Variants in KCNMA1 observed in about 807,000 individuals in gnomAD.
The protein encoded by KCNMA1 is potassium calcium-activated channel subfamily M alpha 1.
Under a neutral mutation model 140.0 loss-of-function variants are expected in KCNMA1, and 29 were observed. That is an observed-to-expected ratio of 0.21 (90% CI 0.15 to 0.28). The LOEUF (loss-of-function observed/expected upper bound fraction) is 0.28, where lower values mean the gene tolerates loss of function less well. KCNMA1 is among the 10% of genes least tolerant of loss of function. The pLI, the probability that KCNMA1 is intolerant of heterozygous loss-of-function variation, is 1.00. For missense variants in KCNMA1, 880 were observed against 1,602.2 expected (o/e 0.55, Z 7.70); for synonymous variants, 612 against 611.9 (o/e 1.00, Z 0.00).
intron 24 of KCNMA1, chr10:76,914,478 G>T (rs1297274077): frequency 4.5e-5 from 17 of 381,586 alleles, no homozygotes; most frequent in Non-Finnish European, 3.4e-5. Context: ...TTACACATTA[G>T]CCCAGGGCTT....
chr10:77,151,913 T>C (rs991570783), intron 5 of KCNMA1, among the ~76,000 whole-genome samples: 2 of 152,226 alleles, frequency 1.3e-5, no homozygotes, highest in African/African-American at 4.8e-5. Context: ...ATGCAGTTTT[T>C]TCATGGCCTA....
chr10:76,930,993 CA>C (rs1055447698), intron 23 of KCNMA1, among the ~76,000 whole-genome samples: 13 of 152,096 alleles, frequency 8.5e-5, no homozygotes, highest in African/African-American at 3.1e-4. Context: ...TGGTGAGGGT[CA>C]GGGGGAATGG....
At chr10:77,411,063 C>T (rs568371262) in intron 1 of KCNMA1, among the ~76,000 whole-genome samples, 6 of 152,284 alleles carry the variant, frequency 3.9e-5, no homozygotes, top group South Asian at 2.1e-4. Context: ...AGTGCAGTGG[C>T]GTGATCTCGG....
intron 1 of KCNMA1, among the ~76,000 whole-genome samples, chr10:77,452,757 G>A (rs2097687666): frequency 6.6e-6 from 1 of 152,190 alleles, no homozygotes; most frequent in South Asian, 2.1e-4. Context: ...ATCTGCTTCT[G>A]ATGATGTTTT....
intron 1 of KCNMA1, among the ~76,000 whole-genome samples, chr10:77,460,398 G>T (rs181694678): frequency 2.0e-5 from 3 of 152,144 alleles, no homozygotes; most frequent in African/African-American, 4.8e-5. Context: ...AGTATCTACC[G>T]AAAGGAAATC....
chr10:77,058,965 C>T (rs1288233395), intron 14 of KCNMA1, among the ~76,000 whole-genome samples: 5 of 151,554 alleles, frequency 3.3e-5, no homozygotes. Context: ...AACTTTATAT[C>T]TAGTAAGAGT....
chr10:77,391,978 G>C (rs1366449355), intron 2 of KCNMA1, among the ~76,000 whole-genome samples: 2 of 151,320 alleles, frequency 1.3e-5, no homozygotes, highest in Admixed American at 6.6e-5. Flanking sequence ...AGCACCCTCT[G>C]AAGGCCTTGG....
Position 77,226,354 on chromosome 10 carries a change from C to A in KCNMA1, c.602+24841G>T, listed in dbSNP as rs1599259961. 2.0e-5 allele frequency among the ~76,000 whole-genome samples: 3 copies of A among 152,028 alleles called. No homozygotes were observed. In the South Asian group the frequency reaches 6.2e-4, roughly 32 times the overall value. On this transcript the variant is annotated intron_variant, in intron 3 of 27. Transcript: ENST00000286628. ...TTCTTGGATCTGGAATATTTTGGGCCTCACTTGTTGATTTTTAGCAGCAGT... is the reference window on the plus strand; with the variant it reads ...TTCTTGGATCTGGAATATTTTGGGCATCACTTGTTGATTTTTAGCAGCAGT...
rs369351953 is a variant in KCNMA1, at chr10:77,348,788, T to C, written c.540+55074A>G. The stretch of plus-strand genomic sequence containing the variant: ...TGAATTTCCCAATGACTCCTAGAAA[T>C]TGACACAATTAGACAAAATTAAGTG... On this transcript the variant is annotated intron_variant, in intron 2 of 27. Transcript: ENST00000286628. Among the ~76,000 whole-genome samples, 11 of 152,282 alleles carry C rather than the reference T, an allele frequency of 7.2e-5. No homozygotes were observed. In the South Asian group the frequency reaches 1.5e-3, roughly 20 times the overall value.
intron 1 of KCNMA1, among the ~76,000 whole-genome samples, chr10:77,583,041 A>C (rs890455040): frequency 6.6e-5 from 10 of 152,176 alleles, no homozygotes; most frequent in African/African-American, 2.2e-4. Context: ...TGTGCCTCCA[A>C]CCTTCTTTGT....
At chr10:77,416,732 G>A (rs549054613) in intron 1 of KCNMA1, among the ~76,000 whole-genome samples, 2 of 152,272 alleles carry the variant, frequency 1.3e-5, no homozygotes, top group South Asian at 4.2e-4. Context: ...TAGCAGTCAG[G>A]GCAGAGTCTG....
At chr10:77,582,003 A>G (rs1201787574) in intron 1 of KCNMA1, among the ~76,000 whole-genome samples, 1 of 152,234 alleles carries the variant, frequency 6.6e-6, no homozygotes, top group Non-Finnish European at 1.5e-5. Flanking sequence ...TTAAAAATTC[A>G]GCAAACCAGG....
chr10:76,917,061 T>A (rs976731654), intron 23 of KCNMA1, among the ~76,000 whole-genome samples: 11 of 152,182 alleles, frequency 7.2e-5, no homozygotes, highest in African/African-American at 2.4e-4. Context: ...GCCAACCACA[T>A]AACCAAAAAC....
At chr10:77,484,051 G>A (rs926459555) in intron 1 of KCNMA1, among the ~76,000 whole-genome samples, 7 of 152,204 alleles carry the variant, frequency 4.6e-5, no homozygotes, top group Admixed American at 2.0e-4. Flanking sequence ...AGTCACCTAC[G>A]GTGCAAAGGC....
intron 5 of KCNMA1, among the ~76,000 whole-genome samples, chr10:77,157,822 A>T (rs944369280): frequency 6.6e-6 from 1 of 152,208 alleles, no homozygotes; most frequent in Non-Finnish European, 1.5e-5. Flanking sequence ...TAATGGGAAC[A>T]GCGTCCTGGC....
chr10:77,436,258 T>C (rs1357549470), intron 1 of KCNMA1, among the ~76,000 whole-genome samples: 1 of 152,232 alleles, frequency 6.6e-6, no homozygotes, highest in Non-Finnish European at 1.5e-5. Context: ...GATAGATTTT[T>C]CCAGAACCCC....
intron 2 of KCNMA1, among the ~76,000 whole-genome samples, chr10:77,280,441 A>T (rs963904052): frequency 1.3e-5 from 2 of 152,216 alleles, no homozygotes; most frequent in African/African-American, 4.8e-5. Context: ...GGAAAAAAAC[A>T]GTTTTGCCTC....
At chr10:77,580,666 A>T (rs1013068745) in intron 1 of KCNMA1, among the ~76,000 whole-genome samples, 3 of 152,194 alleles carry the variant, frequency 2.0e-5, no homozygotes, top group African/African-American at 7.2e-5. Flanking sequence ...GCTCCTGCAG[A>T]AGAGCCATCT....
At chr10:77,018,917 T>C in intron 17 of KCNMA1, 96 bp downstream of exon 17, 1 of 745,986 alleles carries the variant, frequency 1.3e-6, no homozygotes, top group Non-Finnish European at 2.5e-6. Flanking sequence ...ATAGACATGT[T>C]AAGGAGTTTT....
Sources: allele counts gnomAD v4.1 joint callset (sites outside exome capture counted in the v4.1 genomes callset), GRCh38; gene constraint gnomAD v4.1.1; transcripts MANE v1.5; gene names NCBI Gene and HGNC (gene_info 2026-07-23, HGNC 2026-07-21).